Variants in DCDC1 observed in about 807,000 individuals in gnomAD.
The protein encoded by DCDC1 is doublecortin domain-containing protein 1.
A neutral mutation model predicts 178.3 loss-of-function variants in DCDC1; 200 were observed. The observed-to-expected ratio is 1.12, with a 90% CI of 1.00 to 1.26. DCDC1 has a LOEUF of 1.26. Ranked by LOEUF, DCDC1 falls within the 50% of genes most tolerant of loss-of-function variation. The pLI, the probability that DCDC1 is intolerant of heterozygous loss-of-function variation, is 0.00. For missense variants in DCDC1, 1,983 were observed against 1,749.2 expected (o/e 1.13, Z -2.38); for synonymous variants, 690 against 604.8 (o/e 1.14, Z -2.07).
chr11:31,337,471 C>A (rs550500445), intron 1 of DCDC1, among the ~76,000 whole-genome samples: 2 of 152,180 alleles, frequency 1.3e-5, no homozygotes, highest in Non-Finnish European at 2.9e-5. Context: ...GAGTTTGAGA[C>A]CAGTCTGGAA....
intron 20 of DCDC1, among the ~76,000 whole-genome samples, chr11:31,016,445 T>G (rs80226942): frequency 1.8e-3 from 274 of 152,268 alleles, no homozygotes; most frequent in African/African-American, 6.3e-3. Flanking sequence ...AAAGCAGGTA[T>G]GTGGAGAGGA....
At chr11:31,361,591 C>T (rs902343481) in intron 1 of DCDC1, among the ~76,000 whole-genome samples, 1 of 152,158 alleles carries the variant, frequency 6.6e-6, no homozygotes, top group African/African-American at 2.4e-5. Flanking sequence ...AAGCCATTCT[C>T]CTGCCTCAGC....
intron 20 of DCDC1, among the ~76,000 whole-genome samples, chr11:31,059,102 C>T (rs1357440926): frequency 6.6e-6 from 1 of 151,960 alleles, no homozygotes; most frequent in African/African-American, 2.4e-5. Flanking sequence ...GGTTTGGGTA[C>T]CTCACAGCAG....
intron 9 of DCDC1, among the ~76,000 whole-genome samples, chr11:31,230,674 A>G (rs572941557): frequency 4.6e-4 from 70 of 152,320 alleles, no homozygotes; most frequent in Non-Finnish European, 1.8e-4. Flanking sequence ...CTCACATGCT[A>G]TCTCAAAGAA....
At position 31,345,512 on chromosome 11, in the gene DCDC1, T is replaced by C. The variant is rs189277747; in HGVS notation, c.-124-9948A>G. 3.3e-5 allele frequency among the ~76,000 whole-genome samples: 5 copies of C among 152,134 alleles called. No homozygotes were observed. In the East Asian group the frequency reaches 5.8e-4, roughly 18 times the overall value. ...GAGAGCTCTACTACACACTCTTTCA[T>C]GTGGGGAGTGTCAAAAGCACACAGG... On this transcript the variant is annotated intron_variant, in intron 1 of 38. Transcript: ENST00000684477.
chr11:30,973,469 A>G (rs1949926279), intron 20 of DCDC1, among the ~76,000 whole-genome samples: 1 of 152,050 alleles, frequency 6.6e-6, no homozygotes. Context: ...TTTTCTTTAC[A>G]GCAATGCGAG....
chr11:31,225,805 T>A (rs1311535878), intron 9 of DCDC1, among the ~76,000 whole-genome samples: 1 of 151,450 alleles, frequency 6.6e-6, no homozygotes, highest in Non-Finnish European at 1.5e-5. Context: ...TCGAGTTGGA[T>A]TTGGCTTACA....
rs539429902 is a variant in DCDC1 at position 31,049,988 on chromosome 11, G to A, written c.2591+14481C>T. On this transcript the variant is annotated intron_variant, in intron 20 of 38. Transcript: ENST00000684477. ...CTGAACTTCGTAAAAATTTGAACAG[G>A]GCAAGAAGCCTCCTGGCCAGAACTC... Among the ~76,000 whole-genome samples, 5 of 152,272 alleles carry A rather than the reference G, an allele frequency of 3.3e-5. No homozygotes were observed. The South Asian group carries it at 1.0e-3, about 32-fold the overall frequency.
At chr11:31,029,710 C>G (rs1953493537) in intron 20 of DCDC1, among the ~76,000 whole-genome samples, 1 of 152,066 alleles carries the variant, frequency 6.6e-6, no homozygotes, top group Admixed American at 6.6e-5. Context: ...CTACCTGATA[C>G]TTCTTTATAA....
chr11:31,043,565 A>G (rs965856045), intron 20 of DCDC1, among the ~76,000 whole-genome samples: 5 of 152,114 alleles, frequency 3.3e-5, no homozygotes, highest in Admixed American at 6.5e-5. Context: ...TGTAACTAAG[A>G]GAACAAACCA....
In DCDC1 at chr11:31,213,313, G is replaced by C. The variant is rs1353638609; in HGVS notation, c.1221+28137C>G. Among the ~76,000 whole-genome samples the C allele has an allele frequency of 4.0e-5, 6 of 151,798 alleles. No individual in the cohort carries two copies. In the South Asian group the frequency reaches 6.2e-4, roughly 16 times the overall value. ...CTTTTCAAATTTAGCCTTATCATTG[G>C]TAAGTAGAGACTGGATTTTAATTCC... On this transcript the variant is annotated intron_variant, in intron 9 of 38. Coordinates refer to ENST00000684477, the MANE Select transcript of DCDC1 (RefSeq NM_001387274.1).
At chr11:31,253,319 G>T (rs1944184304) in intron 8 of DCDC1, among the ~76,000 whole-genome samples, 2 of 150,370 alleles carry the variant, frequency 1.3e-5, no homozygotes, top group Admixed American at 6.6e-5. Context: ...CCTATGATAT[G>T]CCCAGTTCCA....
chr11:31,350,552 C>G (rs1312372607), intron 1 of DCDC1, among the ~76,000 whole-genome samples: 2 of 151,980 alleles, frequency 1.3e-5, no homozygotes, highest in African/African-American at 4.8e-5. Flanking sequence ...ATTAATAATC[C>G]TGATACTAAG....
intron 9 of DCDC1, among the ~76,000 whole-genome samples, chr11:31,218,340 C>CT (rs893195473): frequency 1.3e-5 from 2 of 152,084 alleles, no homozygotes; most frequent in African/African-American, 4.8e-5. Flanking sequence ...TCTTGATACT[C>CT]TAAGAATAAA....
chr11:31,354,070 G>A (rs1455292771), intron 1 of DCDC1, among the ~76,000 whole-genome samples: 1 of 152,138 alleles, frequency 6.6e-6, no homozygotes, highest in African/African-American at 2.4e-5. Flanking sequence ...GGAGGATCAC[G>A]AGGTCAAGAG....
At chr11:31,149,918 G>T (rs969354092) in intron 9 of DCDC1, among the ~76,000 whole-genome samples, 8 of 152,212 alleles carry the variant, frequency 5.3e-5, no homozygotes, top group Non-Finnish European at 1.2e-4. Context: ...GCAAGACCAA[G>T]AACCCACCCG....
chr11:30,866,774 A>G (rs1941017862), intron 38 of DCDC1, among the ~76,000 whole-genome samples: 1 of 152,128 alleles, frequency 6.6e-6, no homozygotes, highest in Non-Finnish European at 1.5e-5. Context: ...TGTGGTCTGA[A>G]TATGACTTCC....
chr11:30,948,001 C>G (rs1948163632), intron 21 of DCDC1, among the ~76,000 whole-genome samples: 1 of 152,086 alleles, frequency 6.6e-6, no homozygotes, highest in African/African-American at 2.4e-5. Context: ...GTGGCTGGCC[C>G]AGGGCAATCA....
Position 31,150,103 on chromosome 11 carries a change from A to AT in DCDC1, c.1222-12320dup, listed in dbSNP as rs1386086415. ...CTACACTAACAGCTATCGTTTGTTGATTTTTTAATTATGGCCATTCTTCCA... is the reference window on the plus strand; with the variant it reads ...CTACACTAACAGCTATCGTTTGTTGATTTTTTTAATTATGGCCATTCTTCCA... On this transcript the variant is annotated intron_variant, in intron 9 of 38. Transcript: ENST00000684477. Among the ~76,000 whole-genome samples, 4 of 152,162 alleles carry AT rather than the reference A, an allele frequency of 2.6e-5. No individual in the cohort carries two copies. The South Asian group carries it at 6.2e-4, about 24-fold the overall frequency.
Sources: allele counts gnomAD v4.1 joint callset (sites outside exome capture counted in the v4.1 genomes callset), GRCh38; gene constraint gnomAD v4.1.1; transcripts MANE v1.5; gene names NCBI Gene and HGNC (gene_info 2026-07-23, HGNC 2026-07-21).